The following PTGIS variants were observed in gnomAD, a reference collection of about 807,000 sequenced individuals.
PTGIS encodes the protein prostacyclin synthase.
Under a neutral mutation model 50.3 loss-of-function variants are expected in PTGIS, and 45 were observed. The ratio of observed to expected loss-of-function variants is 0.90; its 90% CI spans 0.70 to 1.15. The LOEUF is 1.15. Among genes scored for constraint, PTGIS ranks in the 50% most tolerant of loss-of-function variants. The pLI is 0.00. For synonymous variants in PTGIS, 260 were observed against 267.7 expected (o/e 0.97, Z 0.28); for missense variants, 668 against 661.3 (o/e 1.01, Z -0.11).
intron 6 of PTGIS, among the ~76,000 whole-genome samples, chr20:49,516,016 G>A (rs911247491): frequency 2.7e-5 from 4 of 150,850 alleles, no homozygotes; most frequent in Non-Finnish European, 5.9e-5. Flanking sequence ...AAGGAGCTGG[G>A]GCCACAGGCA....
At chr20:49,530,549 C>T (rs1021621878) in intron 5 of PTGIS, among the ~76,000 whole-genome samples, 3 of 152,138 alleles carry the variant, frequency 2.0e-5, no homozygotes, top group Admixed American at 6.5e-5. Flanking sequence ...ACCACCAGTG[C>T]GAAAGAGTTC....
chr20:49,547,782 T>A (rs1185143864), intron 3 of PTGIS, 59 bp downstream of exon 3: 7 of 1,553,460 alleles, frequency 4.5e-6, no homozygotes, highest in Non-Finnish European at 5.3e-6. Context: ...TTGGGCCACA[T>A]GAGTAGAAAT....
chr20:49,515,966 G>A (rs57919103), intron 6 of PTGIS, among the ~76,000 whole-genome samples: 2,581 of 151,292 alleles, frequency 0.017, 119 homozygotes, highest in Admixed American at 0.11. Context: ...CTGCAGCCTC[G>A]ACCTCCTAGG....
At chr20:49,567,188 T>G (rs1982920767) in intron 1 of PTGIS, among the ~76,000 whole-genome samples, 1 of 152,242 alleles carries the variant, frequency 6.6e-6, no homozygotes, top group Non-Finnish European at 1.5e-5. Flanking sequence ...TGTATTCAGC[T>G]ATTCCTTATG....
chr20:49,538,158 G>T (rs1982127794), intron 5 of PTGIS, among the ~76,000 whole-genome samples: 1 of 151,198 alleles, frequency 6.6e-6, no homozygotes, highest in Non-Finnish European at 1.5e-5. Flanking sequence ...AAGAAGCTGA[G>T]GGGGAAGGAT....
At position 49,538,662 on chromosome 20, in the gene PTGIS, C is replaced by CATTTATTT. The variant is rs373597100; in HGVS notation, c.673+900_673+907dup. 6.8e-4 allele frequency among the ~76,000 whole-genome samples: 101 copies of CATTTATTT among 148,430 alleles called. 1 individual carries two copies. The highest frequency in any genetic ancestry group is 1.4e-3 in the Admixed American group (21 of 15,044). On this transcript the variant is annotated intron_variant, in intron 5 of 9. Transcript: ENST00000244043. ...AAATGTTTAGATCCACTTCTCAGTG[C>CATTTATTT]ATTTATTTATTTATTTATTTATTTA...
At chr20:49,564,974 T>A (rs1254790665) in intron 1 of PTGIS, among the ~76,000 whole-genome samples, 1 of 123,810 alleles carries the variant, frequency 8.1e-6, no homozygotes, top group Non-Finnish European at 1.8e-5. Context: ...TGTTTGCCCT[T>A]TTTTTTTTTT....
At chr20:49,530,258 G>C (rs576483785) in intron 5 of PTGIS, among the ~76,000 whole-genome samples, 2 of 152,272 alleles carry the variant, frequency 1.3e-5, no homozygotes, top group African/African-American at 4.8e-5. Flanking sequence ...CATCCACTGG[G>C]GGTCTTGGAA....
At chr20:49,510,981 C>T in intron 9 of PTGIS, 47 bp downstream of exon 9, 1 of 1,594,880 alleles carries the variant, frequency 6.3e-7, no homozygotes, top group Non-Finnish European at 8.6e-7. Flanking sequence ...CGCCTGCCAA[C>T]CAGGGGATCA....
At position 49,507,139 on chromosome 20, in the gene PTGIS, G is replaced by T. The variant is rs1398952935; in HGVS notation, c.*781C>A. 1.9e-5 allele frequency: 3 copies of T among 154,552 alleles called. No homozygotes were observed. The highest frequency in any genetic ancestry group is 7.2e-5 in the African/African-American group (3 of 41,428). 9.6% of individuals were successfully genotyped at this position (154,552 alleles called of 1,614,324 possible). A position where few individuals can be genotyped will look rare whatever the true frequency, so the allele number is the denominator to read the frequency against. The stretch of plus-strand genomic sequence containing the variant: ...TCTTTTTTGGCTTGATCAGTCTAAG[G>T]AGTCCTGGCTGGCTCCTTCCAGCCA... On this transcript the variant is annotated 3_prime_UTR_variant, in exon 10 of 10. Coordinates refer to ENST00000244043, the MANE Select transcript of PTGIS (RefSeq NM_000961.4).
intron 5 of PTGIS, among the ~76,000 whole-genome samples, chr20:49,529,589 C>T (rs1187375396): frequency 2.0e-5 from 3 of 152,148 alleles, no homozygotes; most frequent in Non-Finnish European, 4.4e-5. Flanking sequence ...TTTGAAATCG[C>T]ACACCATTCT....
In PTGIS at chr20:49,544,319, G is replaced by A. The variant is rs763459815; in HGVS notation, c.507C>T (p.Tyr169=). The change falls in exon 4 of 10, where the codon TAC becomes TAT. Residue 169 remains tyrosine, a synonymous_variant. Coordinates refer to ENST00000244043, the MANE Select transcript of PTGIS (RefSeq NM_000961.4). The part of the protein sequence containing the change: ...WHEMGLLDFS[Y]SFLLRAGYLT... ...CACAGCCTCACCTGAGCAGGAAGCTGTAGGAGAAGTCGAGGAGACCCATCT... is the reference window on the plus strand; with the variant it reads ...CACAGCCTCACCTGAGCAGGAAGCTATAGGAGAAGTCGAGGAGACCCATCT... The A allele has an allele frequency of 4.3e-6, 7 of 1,614,166 alleles. No homozygotes were observed. Among genetic ancestry groups the A allele is most frequent in the Middle Eastern group, 1.6e-4 (1 of 6,062 alleles).
intron 5 of PTGIS, among the ~76,000 whole-genome samples, chr20:49,526,419 G>T (rs1247701270): frequency 6.6e-6 from 1 of 152,194 alleles, no homozygotes; most frequent in Admixed American, 6.5e-5. Flanking sequence ...AAAAAGCAAG[G>T]CAGGACCATT....
chr20:49,556,892 T>C (rs1982633669), intron 1 of PTGIS, among the ~76,000 whole-genome samples: 1 of 152,192 alleles, frequency 6.6e-6, no homozygotes, highest in South Asian at 2.1e-4. Flanking sequence ...TCCCCTCATT[T>C]TTCCTGATGT....
rs1349556482 is a variant in PTGIS, at chr20:49,505,794, T to C, written c.*2126A>G. ...GGGGTCACCCAGGCGTGAAGATGGG[T>C]TTCCCTGGGGATATCCTGCCTCCTG... On this transcript the variant is annotated 3_prime_UTR_variant, in exon 10 of 10. Coordinates refer to ENST00000244043, the MANE Select transcript of PTGIS (RefSeq NM_000961.4). The C allele has an allele frequency of 2.0e-5, 3 of 152,418 alleles. No individual in the cohort carries two copies. Among genetic ancestry groups the C allele is most frequent in the Non-Finnish European group, 4.4e-5 (3 of 68,026 alleles). The allele number at this position is 152,418 out of a possible 1,614,324, so 9.4% of individuals were successfully genotyped here.
rs1981073185 is a variant in PTGIS, at chr20:49,504,113, G to C, written c.*3807C>G. The C allele has an allele frequency of 6.6e-6, 1 of 152,226 alleles. No individual in the cohort carries two copies. Among genetic ancestry groups the C allele is most frequent in the Non-Finnish European group, 1.5e-5 (1 of 68,038 alleles). 9.4% of individuals were successfully genotyped at this position (152,226 alleles called of 1,614,324 possible). A position where few individuals can be genotyped will look rare whatever the true frequency, so the allele number is the denominator to read the frequency against. ...GCATTGCCAGCTCCCTGTGAGTGGG[G>C]GCCACTGGTGGGAGGAGATGGCCCT... is the stretch of plus-strand genomic sequence containing the variant. On this transcript the variant is annotated 3_prime_UTR_variant, in exon 10 of 10. Coordinates refer to ENST00000244043, the MANE Select transcript of PTGIS (RefSeq NM_000961.4).
At chr20:49,508,752 G>A (rs1408709689) in intron 9 of PTGIS, among the ~76,000 whole-genome samples, 1 of 152,160 alleles carries the variant, frequency 6.6e-6, no homozygotes, top group Non-Finnish European at 1.5e-5. Context: ...GCAAGAACAA[G>A]CACTCTCTAC....
chr20:49,523,162 T>C (rs1981697636), intron 6 of PTGIS, among the ~76,000 whole-genome samples: 1 of 152,128 alleles, frequency 6.6e-6, no homozygotes, highest in Non-Finnish European at 1.5e-5. Flanking sequence ...GGAATACAGA[T>C]TGTTTATTAG....
chr20:49,568,084 G>C lies in PTGIS; in HGVS notation c.33C>G (p.Ala11=), dbSNP rs1375067364. 3 of 1,463,108 alleles carry C rather than the reference G, an allele frequency of 2.1e-6. No homozygotes were observed. The highest frequency in any genetic ancestry group is 2.7e-6 in the Non-Finnish European group (3 of 1,113,572). The allele number at this position is 1,463,108 out of a possible 1,614,324, so 90.6% of individuals were successfully genotyped here. The change falls in exon 1 of 10, where the codon GCC becomes GCG. Residue 11 remains alanine (A), a synonymous_variant. Coordinates refer to ENST00000244043, the MANE Select transcript of PTGIS (RefSeq NM_000961.4). MAWAALLGLL[A]ALLLLLLLSR... ...TCAGTAGCAGCAGCAGCAACAGTGC[G>C]GCCAGGAGGCCGAGGAGCGCGGCCC...
Sources: gnomAD v4.1 joint callset for allele counts (sites outside exome capture counted in the v4.1 genomes callset) on GRCh38, gnomAD v4.1.1 for gene constraint, MANE v1.5 for transcripts, NCBI Gene and HGNC (gene_info 2026-07-23, HGNC 2026-07-21) for gene names.